L3MBTL4: variants seen among roughly 807,000 people sequenced by gnomAD.
L3MBTL4 encodes L3MBTL histone methyl-lysine binding protein 4, also known as lethal(3)malignant brain tumor-like protein 4.
Under a neutral mutation model 84.5 loss-of-function variants are expected in L3MBTL4, and 70 were observed. The observed-to-expected ratio is 0.83, with a 90% CI of 0.68 to 1.01. L3MBTL4 has a LOEUF of 1.01. Ranked by LOEUF, L3MBTL4 falls within the 50% of genes least tolerant of loss-of-function variation. L3MBTL4 has a pLI of 0.00. For synonymous variants in L3MBTL4, 274 were observed against 259.8 expected (o/e 1.05, Z -0.52); for missense variants, 715 against 754.8 (o/e 0.95, Z 0.62).
chr18:6,405,615 C>CCCT (rs777066827), intron 1 of L3MBTL4, among the ~76,000 whole-genome samples: 23,587 of 151,738 alleles, frequency 0.16, 1,873 homozygotes, highest in African/African-American at 0.17. Flanking sequence ...CCCGAGGGCC[C>CCCT]ACTAAACACA....
chr18:6,070,747 A>G (rs1284565507), intron 16 of L3MBTL4, among the ~76,000 whole-genome samples: 3 of 152,140 alleles, frequency 2.0e-5, no homozygotes, highest in African/African-American at 7.2e-5. Context: ...CTGAGGTGGG[A>G]GGATCACTTG....
At chr18:6,169,182 G>A (rs2043837810) in intron 13 of L3MBTL4, among the ~76,000 whole-genome samples, 1 of 152,158 alleles carries the variant, frequency 6.6e-6, no homozygotes, top group African/African-American at 2.4e-5. Context: ...GGAAAAAACA[G>A]GTGCTGGAGA....
intron 4 of L3MBTL4, among the ~76,000 whole-genome samples, chr18:6,264,665 T>C (rs1376724916): frequency 6.6e-6 from 1 of 152,110 alleles, no homozygotes; most frequent in Non-Finnish European, 1.5e-5. Flanking sequence ...GTGCCTGTAA[T>C]CCCAGCTACT....
intron 13 of L3MBTL4, among the ~76,000 whole-genome samples, chr18:6,157,094 A>G (rs907156484): frequency 5.3e-5 from 8 of 152,224 alleles, no homozygotes; most frequent in Non-Finnish European, 1.0e-4. Context: ...TTTCTCGATA[A>G]GTCTATCATG....
rs182616127 is a variant in L3MBTL4 at position 6,145,038 on chromosome 18, T to G, written c.1097-6742A>C. 2.0e-3 allele frequency among the ~76,000 whole-genome samples: 303 copies of G among 152,318 alleles called. 2 individuals are homozygous for G. Among genetic ancestry groups the G allele is most frequent in the African/African-American group, 7.1e-3 (295 of 41,574 alleles). On this transcript the variant is annotated intron_variant, in intron 13 of 18. Transcript: ENST00000317931. ...TTTTGTGTTACTTGCTGATAAAAAT[T>G]TCTAGGATAAAACAGCAATTTTATT...
At chr18:6,260,872 TCTTGGA>T (rs2048368765) in intron 5 of L3MBTL4, 3 of 152,344 alleles carry the variant, frequency 2.0e-5, no homozygotes, top group Non-Finnish European at 4.4e-5. Flanking sequence ...TGATGCTCCT[TCTTGGA>T]AAGCTGACAT....
intron 15 of L3MBTL4, 24 bp from the exon 16 acceptor site, chr18:6,080,975 T>A (rs2058057965): frequency 3.9e-6 from 6 of 1,552,564 alleles, no homozygotes; most frequent in Non-Finnish European, 5.3e-6. Flanking sequence ...AGAAATAAAA[T>A]CTAGATTCAT....
chr18:6,102,387 C>G (rs1052963343), intron 14 of L3MBTL4, among the ~76,000 whole-genome samples: 7 of 152,358 alleles, frequency 4.6e-5, no homozygotes, highest in South Asian at 2.1e-4. Flanking sequence ...TCTCCAAACT[C>G]AGGCCATGTT....
intron 16 of L3MBTL4, among the ~76,000 whole-genome samples, chr18:6,001,946 C>A (rs1228775255): frequency 6.6e-6 from 1 of 152,068 alleles, no homozygotes; most frequent in South Asian, 2.1e-4. Flanking sequence ...AGATGCTCAA[C>A]AAACTCCAAG....
At chr18:6,208,606 A>G (rs1003759077) in intron 12 of L3MBTL4, among the ~76,000 whole-genome samples, 1 of 152,222 alleles carries the variant, frequency 6.6e-6, no homozygotes, top group Non-Finnish European at 1.5e-5. Context: ...TTATTTGTAG[A>G]ATACTTTTTC....
At chr18:6,044,352 T>G (rs1364141561) in intron 16 of L3MBTL4, among the ~76,000 whole-genome samples, 1 of 152,216 alleles carries the variant, frequency 6.6e-6, no homozygotes, top group East Asian at 1.9e-4. Flanking sequence ...TTCATTTGAG[T>G]CTGTGTTCAT....
intron 1 of L3MBTL4, among the ~76,000 whole-genome samples, chr18:6,398,605 G>C (rs1027935698): frequency 2.0e-5 from 3 of 152,006 alleles, no homozygotes; most frequent in African/African-American, 7.3e-5. Flanking sequence ...TTCTTGTTTT[G>C]GTAAAGCATA....
At position 5,974,765 on chromosome 18, in the gene L3MBTL4, G is replaced by A. The variant is rs537631545; in HGVS notation, c.1445-5203C>T. On this transcript the variant is annotated intron_variant, in intron 16 of 18. Transcript: ENST00000317931. ...GGATTGCTTGAGGCCAGGAGTTCAA[G>A]ACCAGACTTGACAACACGGTGAGAC... Among the ~76,000 whole-genome samples, 22 of 152,264 alleles carry A rather than the reference G, an allele frequency of 1.4e-4. 2 individuals are homozygous for A. In the East Asian group the frequency reaches 4.1e-3, roughly 28 times the overall value.
intron 6 of L3MBTL4, 143 bp downstream of exon 6, chr18:6,244,341 T>A (rs541982262): frequency 2.0e-6 from 1 of 498,942 alleles, no homozygotes; most frequent in African/African-American, 2.0e-5. Context: ...CTAAGAAACA[T>A]AGTTTCACCC....
At chr18:6,259,778 G>A (rs1356806529) in intron 5 of L3MBTL4, 3 of 152,072 alleles carry the variant, frequency 2.0e-5, no homozygotes, top group African/African-American at 4.8e-5. Flanking sequence ...CTGTGCAGAA[G>A]CCCTTTAGTT....
chr18:6,021,773 G>A (rs1034606300), intron 16 of L3MBTL4, among the ~76,000 whole-genome samples: 3 of 152,102 alleles, frequency 2.0e-5, no homozygotes, highest in African/African-American at 7.2e-5. Flanking sequence ...CGGGGTGGGG[G>A]GGTGGCGGGT....
intron 14 of L3MBTL4, among the ~76,000 whole-genome samples, chr18:6,127,828 T>C (rs2059744910): frequency 6.6e-6 from 1 of 152,138 alleles, no homozygotes; most frequent in African/African-American, 2.4e-5. Context: ...TTCTGCAGTG[T>C]GCCTGGGCCC....
chr18:6,028,374 T>G (rs490063), intron 16 of L3MBTL4, among the ~76,000 whole-genome samples: 24,832 of 152,160 alleles, frequency 0.16, 2,517 homozygotes, highest in African/African-American at 0.28. Flanking sequence ...CTGAGGTCTC[T>G]GCTCTGTTCC....
intron 1 of L3MBTL4, among the ~76,000 whole-genome samples, chr18:6,370,564 A>G (rs948269345): frequency 1.3e-5 from 2 of 152,210 alleles, no homozygotes; most frequent in Non-Finnish European, 1.5e-5. Flanking sequence ...ATGAGGGTAC[A>G]GCAGGTCCCC....
Sources: allele counts gnomAD v4.1 joint callset (sites outside exome capture counted in the v4.1 genomes callset), GRCh38; gene constraint gnomAD v4.1.1; transcripts MANE v1.5; gene names NCBI Gene and HGNC (gene_info 2026-07-23, HGNC 2026-07-21).